CTIF: variants seen among roughly 807,000 people sequenced by gnomAD.
The protein encoded by CTIF is CBP80/20-dependent translation initiation factor.
CTIF carries 21 observed loss-of-function variants against 66.0 expected under a neutral mutation model. The ratio of observed to expected loss-of-function variants is 0.32; its 90% CI spans 0.23 to 0.46. The LOEUF (loss-of-function observed/expected upper bound fraction) is 0.46. CTIF is among the 20% of genes least tolerant of loss of function. The pLI, the probability that CTIF is intolerant of heterozygous loss-of-function variation, is 1.00. For missense variants in CTIF, 739 were observed against 812.7 expected (o/e 0.91, Z 1.10); for synonymous variants, 345 against 326.4 (o/e 1.06, Z -0.62).
intron 6 of CTIF, among the ~76,000 whole-genome samples, chr18:48,675,485 A>G (rs966554737): frequency 6.6e-6 from 1 of 152,208 alleles, no homozygotes; most frequent in Non-Finnish European, 1.5e-5. Context: ...CCCTGGTCCC[A>G]GCGCCAGCAG....
intron 7 of CTIF, among the ~76,000 whole-genome samples, chr18:48,730,110 A>T (rs1178820740): frequency 6.6e-6 from 1 of 152,220 alleles, no homozygotes; most frequent in Non-Finnish European, 1.5e-5. Context: ...ATAAAGCCAC[A>T]AGTTCAGTTC....
chr18:48,703,756 C>T (rs1399075618), intron 6 of CTIF, among the ~76,000 whole-genome samples: 2 of 152,216 alleles, frequency 1.3e-5, no homozygotes, highest in Admixed American at 6.5e-5. Flanking sequence ...AGCCCGGGGA[C>T]TCCCCCTCCA....
At chr18:48,709,557 C>T (rs868039228) in intron 6 of CTIF, among the ~76,000 whole-genome samples, 16 of 152,362 alleles carry the variant, frequency 1.1e-4, no homozygotes, top group African/African-American at 3.6e-4. Context: ...AGCCGAGATC[C>T]TAGTCCCTGC....
At chr18:48,626,569 G>A (rs767086980) in intron 2 of CTIF, among the ~76,000 whole-genome samples, 7 of 146,708 alleles carry the variant, frequency 4.8e-5, no homozygotes, top group South Asian at 4.4e-4. Context: ...GGCTGGTGTC[G>A]AATGCCTGAC....
At chr18:48,624,359 G>A (rs2090555049) in intron 2 of CTIF, among the ~76,000 whole-genome samples, 1 of 152,138 alleles carries the variant, frequency 6.6e-6, no homozygotes, top group Non-Finnish European at 1.5e-5. Context: ...CTGGGCTCTG[G>A]AGCCCCATCC....
In CTIF at chr18:48,758,282, AG is replaced by A; in HGVS notation, c.954del (p.Pro319GlnfsTer36). The part of the protein sequence containing the change: ...ASERLPPQQS[G>X]GPEVETKRKD... ...CTGAGCGGCTGCCCCCACAGCAGTC[AG>A]GGGGGCCAGAGGTTGAGACAAAACG... is the stretch of plus-strand genomic sequence containing the variant. On this transcript the variant is annotated frameshift_variant, in exon 8 of 12. Coordinates refer to ENST00000256413, the MANE Select transcript of CTIF (RefSeq NM_014772.3). LOFTEE classifies it high-confidence loss of function. 2 of 1,613,462 alleles carry A rather than the reference AG, an allele frequency of 1.2e-6. No individual in the cohort carries two copies. The highest frequency in any genetic ancestry group is 8.5e-7 in the Non-Finnish European group (1 of 1,179,884).
At chr18:48,838,905 G>A (rs908167591) in intron 10 of CTIF, among the ~76,000 whole-genome samples, 7 of 151,994 alleles carry the variant, frequency 4.6e-5, no homozygotes, top group Non-Finnish European at 7.4e-5. Context: ...ACACCTCCCC[G>A]GGCCTGCCCA....
At chr18:48,758,464 C>T in intron 8 of CTIF, 59 bp downstream of exon 8, 1 of 1,540,864 alleles carries the variant, frequency 6.5e-7, no homozygotes, top group Non-Finnish European at 8.7e-7. Context: ...AAGAGGTAGG[C>T]ACTTTGGTAG....
At chr18:48,695,849 C>G (rs2091999025) in intron 6 of CTIF, among the ~76,000 whole-genome samples, 1 of 152,200 alleles carries the variant, frequency 6.6e-6, no homozygotes. Context: ...ATTTATCGGG[C>G]AGGACTGGAG....
At chr18:48,634,919 A>G (rs1156306896) in intron 2 of CTIF, among the ~76,000 whole-genome samples, 1 of 152,198 alleles carries the variant, frequency 6.6e-6, no homozygotes, top group Non-Finnish European at 1.5e-5. Context: ...CTCATTAACA[A>G]CTTTTCATAT....
At chr18:48,687,520 C>G (rs2091861718) in intron 6 of CTIF, among the ~76,000 whole-genome samples, 1 of 152,076 alleles carries the variant, frequency 6.6e-6, no homozygotes, top group Non-Finnish European at 1.5e-5. Flanking sequence ...CTCTATTGTC[C>G]TCCCCTGCTT....
intron 3 of CTIF, among the ~76,000 whole-genome samples, chr18:48,658,913 C>T (rs965590732): frequency 1.1e-4 from 16 of 152,134 alleles, no homozygotes; most frequent in African/African-American, 3.9e-4. Flanking sequence ...TCCTGGTTGT[C>T]CAGTTTAGCT....
chr18:48,695,969 A>G (rs1467178456), intron 6 of CTIF, among the ~76,000 whole-genome samples: 1 of 152,104 alleles, frequency 6.6e-6, no homozygotes, highest in African/African-American at 2.4e-5. Flanking sequence ...CTTTTTCTTT[A>G]TGTTCTTGCC....
At chr18:48,594,329 A>AC (rs1465003057) in intron 1 of CTIF, among the ~76,000 whole-genome samples, 2 of 80,036 alleles carry the variant, frequency 2.5e-5, no homozygotes, top group Non-Finnish European at 5.3e-5. Flanking sequence ...CCCCACCCCC[A>AC]CCCCACCCCG....
At chr18:48,693,195 C>T (rs369521320) in intron 6 of CTIF, among the ~76,000 whole-genome samples, 18 of 152,288 alleles carry the variant, frequency 1.2e-4, no homozygotes, top group African/African-American at 4.1e-4. Context: ...CCAGCATCAG[C>T]GGAGGGTGGC....
chr18:48,738,452 C>T (rs2092523284), intron 7 of CTIF, among the ~76,000 whole-genome samples: 1 of 152,132 alleles, frequency 6.6e-6, no homozygotes, highest in South Asian at 2.1e-4. Flanking sequence ...CACCATCTGC[C>T]CTCCCCCTTC....
At chr18:48,674,410 G>T (rs1043553183) in intron 6 of CTIF, among the ~76,000 whole-genome samples, 10 of 152,202 alleles carry the variant, frequency 6.6e-5, no homozygotes, top group Non-Finnish European at 1.0e-4. Flanking sequence ...GGCGCCATGG[G>T]CCCCCACACT....
At chr18:48,859,297 C>T (rs941298138) in intron 11 of CTIF, 47 bp from the exon 12 acceptor site, 1 of 1,557,424 alleles carries the variant, frequency 6.4e-7, no homozygotes, top group South Asian at 1.1e-5. Context: ...GGCCAGTGGG[C>T]CACTGTGGGA....
At chr18:48,647,678 A>G (rs1253511706) in intron 3 of CTIF, among the ~76,000 whole-genome samples, 3 of 152,254 alleles carry the variant, frequency 2.0e-5, no homozygotes, top group East Asian at 1.9e-4. Flanking sequence ...AGAACCTTAC[A>G]TGGAGATTCC....
Sources: gnomAD v4.1 joint callset for allele counts (sites outside exome capture counted in the v4.1 genomes callset) on GRCh38, gnomAD v4.1.1 for gene constraint, MANE v1.5 for transcripts, NCBI Gene and HGNC (gene_info 2026-07-23, HGNC 2026-07-21) for gene names.